Variants in RELCH observed in about 807,000 individuals in gnomAD.
RELCH encodes the protein RAB11-binding protein RELCH.
A neutral mutation model predicts 150.3 loss-of-function variants in RELCH; 41 were observed. That is an observed-to-expected ratio of 0.27 (90% confidence interval 0.21 to 0.35). The LOEUF is 0.35. RELCH is among the 10% of genes least tolerant of loss of function. RELCH has a pLI of 1.00. For synonymous variants in RELCH, 478 were observed against 531.8 expected, an observed-to-expected ratio of 0.90 and a Z score of 1.39; for missense variants, 1,092 against 1,467.8, an observed-to-expected ratio of 0.74 and a Z score of 4.18.
chr18:62,296,904 C>CTTATA (rs1314164840), intron 27 of RELCH, among the ~76,000 whole-genome samples: 10 of 152,296 alleles, frequency 6.6e-5, no homozygotes, highest in African/African-American at 2.4e-4. Context: ...TTATATGTAG[C>CTTATA]TGGATTAAGT....
At chr18:62,220,976 A>G (rs2040830516) in intron 2 of RELCH, 61 bp from the exon 3 acceptor site, 1 of 1,339,222 alleles carries the variant, frequency 7.5e-7, no homozygotes. Flanking sequence ...TTATTTTTTA[A>G]TTTTTGTTTC....
intron 9 of RELCH, among the ~76,000 whole-genome samples, chr18:62,231,903 C>T (rs1262314078): frequency 1.3e-5 from 2 of 151,948 alleles, no homozygotes; most frequent in Non-Finnish European, 2.9e-5. Context: ...AAGACTGGAT[C>T]ACCTTCCTTA....
chr18:62,201,258 C>A (rs1405396713), intron 1 of RELCH, among the ~76,000 whole-genome samples: 1 of 152,176 alleles, frequency 6.6e-6, no homozygotes, highest in East Asian at 1.9e-4. Context: ...CAGGCGTGAG[C>A]CACCGCCCCC....
chr18:62,286,969 A>G (rs1214499249), intron 25 of RELCH, among the ~76,000 whole-genome samples: 1 of 152,206 alleles, frequency 6.6e-6, no homozygotes, highest in Non-Finnish European at 1.5e-5. Context: ...TAGCAATGGT[A>G]ATATTTTATT....
intron 26 of RELCH, 25 bp downstream of exon 26, chr18:62,287,492 T>G: frequency 8.4e-7 from 1 of 1,193,604 alleles, no homozygotes; most frequent in Non-Finnish European, 1.2e-6. Context: ...TTAAGGTGTA[T>G]CTACATTTAT....
chr18:62,223,976 TTTA>T (rs2041044481), intron 5 of RELCH, among the ~76,000 whole-genome samples: 1 of 152,130 alleles, frequency 6.6e-6, no homozygotes, highest in African/African-American at 2.4e-5. Context: ...TTTCTTTTTT[TTTA>T]TTATTATACT....
intron 15 of RELCH, among the ~76,000 whole-genome samples, chr18:62,260,502 C>T (rs184567635): frequency 2.0e-5 from 3 of 151,666 alleles, no homozygotes; most frequent in East Asian, 1.9e-4. Flanking sequence ...AAACTAAAAA[C>T]AGAAATACCT....
chr18:62,193,160 G>A (rs1219588905), intron 1 of RELCH, among the ~76,000 whole-genome samples: 1 of 151,982 alleles, frequency 6.6e-6, no homozygotes, highest in Non-Finnish European at 1.5e-5. Context: ...TCATGATTTA[G>A]CTCTCTGCTT....
intron 1 of RELCH, among the ~76,000 whole-genome samples, chr18:62,203,243 G>A (rs1214041922): frequency 6.6e-6 from 1 of 152,094 alleles, no homozygotes; most frequent in East Asian, 1.9e-4. Context: ...AGATCACGAG[G>A]TCAAGAGATC....
intron 21 of RELCH, among the ~76,000 whole-genome samples, chr18:62,274,504 C>T (rs944975780): frequency 6.6e-6 from 1 of 152,202 alleles, no homozygotes; most frequent in Admixed American, 6.5e-5. Context: ...AATTTTATCT[C>T]AGTCTTTACT....
At chr18:62,204,846 A>G (rs2039681004) in intron 1 of RELCH, among the ~76,000 whole-genome samples, 1 of 152,220 alleles carries the variant, frequency 6.6e-6, no homozygotes, top group Non-Finnish European at 1.5e-5. Flanking sequence ...AGAAAAACAC[A>G]AAATTTTTGT....
rs1049228052 is a variant in RELCH at position 62,310,091 on chromosome 18, A to G, written c.*4557A>G. 6 of 70,588 alleles carry G rather than the reference A, an allele frequency of 8.5e-5. No individual in the cohort carries two copies. Among genetic ancestry groups the G allele is most frequent in the Admixed American group, 8.4e-4 (5 of 5,936 alleles). The allele number at this position is 70,588 out of a possible 1,614,324, so 4.4% of individuals were successfully genotyped here. On this transcript the variant is annotated 3_prime_UTR_variant, in exon 29 of 29. Coordinates refer to ENST00000644646, the MANE Select transcript of RELCH (RefSeq NM_001346231.2). Reference sequence around the variant, plus strand: ...ATGTACATTGCTGAGTAATATAAATATAATAATTTCTCATTGACTTTATGA... The same window carrying G: ...ATGTACATTGCTGAGTAATATAAATGTAATAATTTCTCATTGACTTTATGA...
chr18:62,211,453 C>T (rs1173623101), intron 2 of RELCH, among the ~76,000 whole-genome samples: 1 of 152,082 alleles, frequency 6.6e-6, no homozygotes, highest in Non-Finnish European at 1.5e-5. Context: ...GTTATGTATC[C>T]CTATAATTTG....
At position 62,223,966 on chromosome 18, in the gene RELCH, TTTC is replaced by T. The variant is rs571398342; in HGVS notation, c.858+2472_858+2474del. 2.7e-3 allele frequency among the ~76,000 whole-genome samples: 411 copies of T among 152,184 alleles called. 3 individuals are homozygous for T. The highest frequency in any genetic ancestry group is 0.016 in the South Asian group (78 of 4,818). On this transcript the variant is annotated intron_variant, in intron 5 of 28. Transcript: ENST00000644646. ...AAAACCTATCACTAACATCATTCTT[TTTC>T]TTTTTTTTTATTATTATACTTTAAG...
intron 13 of RELCH, among the ~76,000 whole-genome samples, 199 bp from the exon 14 acceptor site, chr18:62,257,749 C>T (rs1376301496): frequency 6.6e-6 from 1 of 151,574 alleles, no homozygotes; most frequent in Non-Finnish European, 1.5e-5. Flanking sequence ...GATATTTTTG[C>T]TGTATCTGTA....
chr18:62,246,122 G>C (rs2042398489), intron 11 of RELCH: 1 of 152,072 alleles, frequency 6.6e-6, no homozygotes, highest in South Asian at 2.1e-4. Context: ...TATTTTTTAT[G>C]AATCCTAAGA....
At chr18:62,280,476 T>C in intron 23 of RELCH, 170 bp from the exon 24 acceptor site, 2 of 1,578,872 alleles carry the variant, frequency 1.3e-6, no homozygotes, top group Non-Finnish European at 8.7e-7. Flanking sequence ...TAAGTTATCC[T>C]GTCTGTCTTT....
intron 22 of RELCH, among the ~76,000 whole-genome samples, chr18:62,277,433 G>C (rs1181112837): frequency 6.6e-6 from 1 of 151,824 alleles, no homozygotes; most frequent in African/African-American, 2.4e-5. Flanking sequence ...TTTGTCAGTG[G>C]TTCTTATTTG....
rs1600236112 is a variant in RELCH at position 62,285,142 on chromosome 18, TG to T, written c.3254-2208del. ...TTTTTTGTTTGTTTGTTTGTTTGTT[TG>T]TTTGTTGTTTCTGAGGCAGAGTCTT... On this transcript the variant is annotated intron_variant, in intron 25 of 28. Transcript: ENST00000644646. 2.0e-5 allele frequency among the ~76,000 whole-genome samples: 3 copies of T among 151,720 alleles called. No homozygotes were observed. The East Asian group carries it at 5.8e-4, about 29-fold the overall frequency.
Sources: gnomAD v4.1 joint callset for allele counts (sites outside exome capture counted in the v4.1 genomes callset) on GRCh38, gnomAD v4.1.1 for gene constraint, MANE v1.5 for transcripts, NCBI Gene and HGNC (gene_info 2026-07-23, HGNC 2026-07-21) for gene names.